Variants in ITSN2 observed in about 807,000 individuals in gnomAD.
ITSN2 encodes intersectin-2.
In ITSN2, 156 loss-of-function variants were observed where a neutral mutation model predicts 243.7. The ratio of observed to expected loss-of-function variants is 0.64; its 90% CI spans 0.56 to 0.73. The LOEUF (loss-of-function observed/expected upper bound fraction) is 0.73. Among genes scored for constraint, ITSN2 ranks in the 30% least tolerant of loss-of-function variants. ITSN2 has a pLI of 0.00. For synonymous variants in ITSN2, 703 were observed against 699.9 expected (o/e 1.00, Z -0.07); for missense variants, 1,801 against 1,996.1 (o/e 0.90, Z 1.86).
chr2:24,310,407 T>C (rs1156803626), intron 6 of ITSN2, 27 bp from the exon 7 acceptor site: 1 of 1,608,808 alleles, frequency 6.2e-7, no homozygotes, highest in Non-Finnish European at 8.5e-7. Context: ...AGGAAAAGTA[T>C]GAAAGAAATT....
chr2:24,340,126 T>C (rs1456113338), intron 1 of ITSN2, among the ~76,000 whole-genome samples: 1 of 152,172 alleles, frequency 6.6e-6, no homozygotes, highest in Non-Finnish European at 1.5e-5. Flanking sequence ...TAAGTCATGC[T>C]ATTGATTTTG....
intron 15 of ITSN2, among the ~76,000 whole-genome samples, chr2:24,287,809 C>T (rs1463105785): frequency 6.6e-6 from 1 of 151,998 alleles, no homozygotes; most frequent in East Asian, 1.9e-4. Context: ...TGTTGAGTCC[C>T]TTTTTAAATA....
At chr2:24,290,703 A>C (rs1287715803) in intron 15 of ITSN2, among the ~76,000 whole-genome samples, 2 of 152,144 alleles carry the variant, frequency 1.3e-5, no homozygotes, top group South Asian at 2.1e-4. Flanking sequence ...TGTCCCTCAA[A>C]TCACTTACTG....
intron 15 of ITSN2, among the ~76,000 whole-genome samples, chr2:24,290,218 G>A (rs189559326): frequency 1.3e-5 from 2 of 152,088 alleles, no homozygotes; most frequent in East Asian, 3.9e-4. Context: ...CATCTATATT[G>A]GATATTATCA....
chr2:24,330,758 G>A (rs1685696895), intron 1 of ITSN2: 13 of 509,712 alleles, frequency 2.6e-5, no homozygotes, highest in Non-Finnish European at 2.9e-5. Flanking sequence ...AAAAAATGCA[G>A]AATTTCATTT....
chr2:24,360,711 A>G (rs960996871), upstream of ITSN2: 2 of 152,554 alleles, frequency 1.3e-5, no homozygotes, highest in African/African-American at 2.4e-5. Context: ...GTCGGGTCCG[A>G]AGCGCTCCTC....
intron 1 of ITSN2, among the ~76,000 whole-genome samples, chr2:24,333,974 C>T (rs1298321584): frequency 1.3e-5 from 2 of 152,152 alleles, no homozygotes; most frequent in Non-Finnish European, 2.9e-5. Context: ...ACTGCAACCT[C>T]CACTTCCTGG....
chr2:24,329,804 C>A (rs966626919), intron 1 of ITSN2, among the ~76,000 whole-genome samples: 15 of 152,156 alleles, frequency 9.9e-5, no homozygotes, highest in African/African-American at 3.4e-4. Context: ...GTAGTACATA[C>A]ATCGTGGTCA....
intron 2 of ITSN2, among the ~76,000 whole-genome samples, chr2:24,320,213 CA>C (rs11359036): frequency 0.98 from 148,603 of 151,972 alleles, 72,652 homozygotes; most frequent in East Asian, 0.99. Context: ...CCCATCTCTA[CA>C]AAAAAACTTA....
At chr2:24,242,644 G>A (rs1014735854) in intron 29 of ITSN2, among the ~76,000 whole-genome samples, 2 of 152,036 alleles carry the variant, frequency 1.3e-5, no homozygotes, top group African/African-American at 2.4e-5. Context: ...TTCAATTTCT[G>A]ATAAATAATT....
intron 33 of ITSN2, among the ~76,000 whole-genome samples, chr2:24,212,258 G>C (rs748793656): frequency 1.3e-5 from 2 of 152,198 alleles, no homozygotes; most frequent in Non-Finnish European, 2.9e-5. Flanking sequence ...GATGGAGGCA[G>C]ATCTCAGAGG....
rs75356803 is a variant in ITSN2, at chr2:24,208,156, C to G, written c.4678+81G>C. The G allele has an allele frequency of 2.2e-3, 2,667 of 1,189,626 alleles. 54 individuals carry two copies. The African/African-American group carries it at 0.036, about 16-fold the overall frequency. The allele number at this position is 1,189,626 out of a possible 1,614,324, so 73.7% of individuals were successfully genotyped here. A position where few individuals can be genotyped will look rare whatever the true frequency, so the allele number is the denominator to read the frequency against. ...TGGTCTTTCAGACCCGTCCCTATAT[C>G]ATCAGCCTGACTGCAGGAGCAGTGG... On this transcript the variant is annotated intron_variant, in intron 37 of 39. Transcript: ENST00000355123.
intron 29 of ITSN2, among the ~76,000 whole-genome samples, chr2:24,236,662 TG>T (rs1283565524): frequency 1.1e-5 from 1 of 89,554 alleles, no homozygotes; most frequent in Non-Finnish European, 2.3e-5. Flanking sequence ...ATTTTTCCTG[TG>T]TTTTTTTTTC....
intron 11 of ITSN2, among the ~76,000 whole-genome samples, chr2:24,300,542 A>AC (rs2151662142): frequency 6.6e-6 from 1 of 152,202 alleles, no homozygotes; most frequent in South Asian, 2.1e-4. Flanking sequence ...ACACGGTGAA[A>AC]CCCCATCTCT....
intron 15 of ITSN2, 118 bp downstream of exon 15, chr2:24,293,570 C>A: frequency 2.2e-6 from 1 of 450,450 alleles, no homozygotes; most frequent in Non-Finnish European, 4.1e-6. Context: ...TTTAAACTTA[C>A]AGGCAAAAAG....
At chr2:24,298,963 T>C (rs1681356856) in intron 12 of ITSN2, 149 bp from the exon 13 acceptor site, 5 of 577,376 alleles carry the variant, frequency 8.7e-6, no homozygotes, top group South Asian at 5.2e-5. Context: ...GTTTTATTAA[T>C]GGGCTTAAAG....
At chr2:24,261,462 G>A (rs1453127188) in intron 21 of ITSN2, 99 bp downstream of exon 21, 13 of 1,058,746 alleles carry the variant, frequency 1.2e-5, no homozygotes, top group East Asian at 7.3e-5. Flanking sequence ...AGTACAACCC[G>A]GATTACACTA....
chr2:24,309,396 A>C (rs1313540478), intron 7 of ITSN2, among the ~76,000 whole-genome samples: 1 of 152,124 alleles, frequency 6.6e-6, no homozygotes, highest in Non-Finnish European at 1.5e-5. Context: ...ACAGGGTTTC[A>C]CCATGTTGCC....
At chr2:24,337,397 C>T (rs1176670945) in intron 1 of ITSN2, among the ~76,000 whole-genome samples, 4 of 140,224 alleles carry the variant, frequency 2.9e-5, no homozygotes, top group East Asian at 2.1e-4. Context: ...ATCACCCAGG[C>T]TGGAGTGCAG....
Sources: gnomAD v4.1 joint callset for allele counts (sites outside exome capture counted in the v4.1 genomes callset) on GRCh38, gnomAD v4.1.1 for gene constraint, MANE v1.5 for transcripts, NCBI Gene and HGNC (gene_info 2026-07-23, HGNC 2026-07-21) for gene names.